Variants in UBE2R2 observed in about 807,000 individuals in gnomAD.
UBE2R2 encodes ubiquitin conjugating enzyme E2 R2.
UBE2R2 carries 1 observed loss-of-function variant against 27.8 expected under a neutral mutation model. The ratio of observed to expected loss-of-function variants is 0.04; its 90% confidence interval spans 0.01 to 0.17. The LOEUF is 0.17. Ranked by LOEUF, UBE2R2 falls within the 10% of genes least tolerant of loss-of-function variation. The pLI, the probability that UBE2R2 is intolerant of heterozygous loss-of-function variation, is 1.00. For synonymous variants in UBE2R2, 106 were observed against 113.3 expected, an observed-to-expected ratio of 0.94 and a Z score of 0.41; for missense variants, 100 against 291.0, an observed-to-expected ratio of 0.34 and a Z score of 4.78.
rs1181178013 is a variant in UBE2R2 at position 33,917,083 on chromosome 9, C to T, written c.563C>T (p.Ala188Val). ...GGAGTGAAGGTCCCCACAACCCTGG[C>T]GGAATACTGCATCAAAACTAAAGTG... is the stretch of plus-strand genomic sequence containing the variant. Reference protein sequence around the residue: ...KDGVKVPTTLAEYCIKTKVPS... With the variant: ...KDGVKVPTTLVEYCIKTKVPS... The change falls in exon 5 of 5, where the codon GCG (alanine) becomes GTG (valine). Residue 188 changes from alanine (A) to valine (V), a missense_variant. By Grantham distance (64) the Ala-to-Val change is moderately conservative. This residue lies in a region of UBE2R2 where 55 missense variants were observed against 122.6 expected (regional missense o/e 0.45). Transcript: ENST00000263228. The T allele has an allele frequency of 2.5e-6, 4 of 1,614,182 alleles. No homozygotes were observed. Among genetic ancestry groups the T allele is most frequent in the Non-Finnish European group, 3.4e-6 (4 of 1,180,022 alleles).
intron 1 of UBE2R2, among the ~76,000 whole-genome samples, chr9:33,834,864 C>G (rs529196363): frequency 6.6e-6 from 1 of 150,702 alleles, no homozygotes; most frequent in African/African-American, 2.4e-5. Flanking sequence ...AAGCCGAGAT[C>G]GTGCCGTTGC....
chr9:33,860,056 C>T (rs1821195232), intron 1 of UBE2R2, among the ~76,000 whole-genome samples: 1 of 151,906 alleles, frequency 6.6e-6, no homozygotes, highest in Non-Finnish European at 1.5e-5. Context: ...GTTCTCCTGC[C>T]TTGGCCTCCC....
Position 33,917,393 on chromosome 9 carries a change from GCTC to G in UBE2R2, c.*159_*161del. 2 of 1,175,606 alleles carry G rather than the reference GCTC, an allele frequency of 1.7e-6. No homozygotes were observed. The highest frequency in any genetic ancestry group is 1.5e-5 in the South Asian group (1 of 65,450). 72.8% of individuals were successfully genotyped at this position (1,175,606 alleles called of 1,614,324 possible). A position where few individuals can be genotyped will look rare whatever the true frequency, so the allele number is the denominator to read the frequency against. ...TGACTCCCCTTATGGATCTCAGTTT[GCTC>G]CTTTTTATGGACCTTTAATGGAGAG... On this transcript the variant is annotated 3_prime_UTR_variant, in exon 5 of 5. Transcript: ENST00000263228.
intron 1 of UBE2R2, among the ~76,000 whole-genome samples, chr9:33,855,195 G>C (rs1044078518): frequency 6.6e-6 from 1 of 151,958 alleles, no homozygotes; most frequent in African/African-American, 2.4e-5. Context: ...GCCCCTCATG[G>C]CATTTTTTTG....
chr9:33,856,875 T>G (rs893677467), intron 1 of UBE2R2, among the ~76,000 whole-genome samples: 5 of 147,584 alleles, frequency 3.4e-5, no homozygotes, highest in African/African-American at 1.2e-4. Flanking sequence ...CCGTCCTTCC[T>G]TCCTTCCTTT....
chr9:33,890,012 C>T (rs1286306058), intron 2 of UBE2R2, among the ~76,000 whole-genome samples: 1 of 152,134 alleles, frequency 6.6e-6, no homozygotes, highest in East Asian at 1.9e-4. Context: ...CATATACATA[C>T]TATTTCCATC....
intron 1 of UBE2R2, among the ~76,000 whole-genome samples, chr9:33,850,317 G>A (rs1416790045): frequency 1.3e-5 from 2 of 152,144 alleles, no homozygotes; most frequent in Non-Finnish European, 2.9e-5. Flanking sequence ...AGGAGTTAGG[G>A]ATGCCCAGAT....
At chr9:33,854,845 G>A (rs1161663352) in intron 1 of UBE2R2, among the ~76,000 whole-genome samples, 3 of 151,224 alleles carry the variant, frequency 2.0e-5, no homozygotes, top group Non-Finnish European at 4.4e-5. Flanking sequence ...TAGCCTCCTG[G>A]GTAGCTGGGA....
At chr9:33,833,981 C>G (rs1238482711) in intron 1 of UBE2R2, among the ~76,000 whole-genome samples, 1 of 152,140 alleles carries the variant, frequency 6.6e-6, no homozygotes, top group Non-Finnish European at 1.5e-5. Context: ...AATTTCATCC[C>G]TTTTAATGGC....
At chr9:33,882,188 A>G (rs1053378161) in intron 1 of UBE2R2, among the ~76,000 whole-genome samples, 1 of 152,172 alleles carries the variant, frequency 6.6e-6, no homozygotes, top group Non-Finnish European at 1.5e-5. Flanking sequence ...GCATTATAAG[A>G]TGCTCTAGGC....
chr9:33,917,585 TTCAATA>T lies in UBE2R2; in HGVS notation c.*349_*354del, dbSNP rs1822680026. 6.6e-6 allele frequency: 3 copies of T among 456,360 alleles called. No individual in the cohort carries two copies. Among genetic ancestry groups the T allele is most frequent in the Non-Finnish European group, 7.6e-6 (2 of 261,762 alleles). 28.3% of individuals were successfully genotyped at this position (456,360 alleles called of 1,614,324 possible). A position where few individuals can be genotyped will look rare whatever the true frequency, so the allele number is the denominator to read the frequency against. ...GGTCTGTTTTTAGATTCTTGAAGAA[TTCAATA>T]GTCTTTCAAGATGTTTAATGTGTTT... On this transcript the variant is annotated 3_prime_UTR_variant, in exon 5 of 5. Coordinates refer to ENST00000263228, the MANE Select transcript of UBE2R2 (RefSeq NM_017811.4).
chr9:33,834,914 A>G (rs1055923067), intron 1 of UBE2R2, among the ~76,000 whole-genome samples: 4 of 119,206 alleles, frequency 3.4e-5, no homozygotes, highest in East Asian at 2.2e-4. Flanking sequence ...CTGTCTCAGG[A>G]AAAAAAAAAA....
intron 1 of UBE2R2, among the ~76,000 whole-genome samples, chr9:33,829,177 T>C (rs529621947): frequency 1.3e-5 from 2 of 152,192 alleles, no homozygotes; most frequent in Non-Finnish European, 2.9e-5. Flanking sequence ...CTTTTGTCTG[T>C]TGAATCCACA....
At position 33,917,269 on chromosome 9, in the gene UBE2R2, C is replaced by A; in HGVS notation, c.*32C>A. The A allele has an allele frequency of 6.2e-7, 1 of 1,609,768 alleles. No homozygotes were observed. The highest frequency in any genetic ancestry group is 1.1e-5 in the South Asian group (1 of 90,894). ...CCTTCAGTGCCCCTGTACTGCCCTG[C>A]CATCTCAGGCCAAAGGGAGGGGAGC... On this transcript the variant is annotated 3_prime_UTR_variant, in exon 5 of 5. Coordinates refer to ENST00000263228, the MANE Select transcript of UBE2R2 (RefSeq NM_017811.4).
chr9:33,823,256 T>G (rs1820197845), intron 1 of UBE2R2, among the ~76,000 whole-genome samples: 1 of 152,110 alleles, frequency 6.6e-6, no homozygotes, highest in Non-Finnish European at 1.5e-5. Context: ...CAGGCTTGTC[T>G]TGAACTCCTG....
At chr9:33,862,310 C>G (rs547075937) in intron 1 of UBE2R2, among the ~76,000 whole-genome samples, 1 of 152,270 alleles carries the variant, frequency 6.6e-6, no homozygotes, top group South Asian at 2.1e-4. Flanking sequence ...GGTAGTTTAA[C>G]CCCATTCGGT....
chr9:33,876,081 G>T (rs1021159578), intron 1 of UBE2R2, among the ~76,000 whole-genome samples: 1 of 152,118 alleles, frequency 6.6e-6, no homozygotes, highest in Non-Finnish European at 1.5e-5. Context: ...TTTAATAAGG[G>T]CTGGGCATGG....
At chr9:33,867,773 G>A (rs1047273858) in intron 1 of UBE2R2, among the ~76,000 whole-genome samples, 1 of 152,174 alleles carries the variant, frequency 6.6e-6, no homozygotes, top group African/African-American at 2.4e-5. Flanking sequence ...TCCAAAATTA[G>A]CTGGGCATGG....
intron 3 of UBE2R2, among the ~76,000 whole-genome samples, chr9:33,910,114 T>G (rs1822451626): frequency 6.6e-6 from 1 of 152,098 alleles, no homozygotes; most frequent in Non-Finnish European, 1.5e-5. Context: ...TAGGAGTAAT[T>G]TGGAACAGTT....
Sources: allele counts gnomAD v4.1 joint callset (sites outside exome capture counted in the v4.1 genomes callset), GRCh38; gene constraint gnomAD v4.1.1; regional missense constraint gnomAD v4.1.1; transcripts MANE v1.5; gene names NCBI Gene and HGNC (gene_info 2026-07-23, HGNC 2026-07-21).